GAS7: variants seen among roughly 807,000 people sequenced by gnomAD.
The protein encoded by GAS7 is growth arrest specific 7.
Under a neutral mutation model 71.1 loss-of-function variants are expected in GAS7, and 28 were observed. The observed-to-expected ratio is 0.39, with a 90% confidence interval of 0.29 to 0.54. The LOEUF is 0.54. GAS7 is among the 20% of genes least tolerant of loss of function. The pLI is 0.62. For missense variants in GAS7, 436 were observed against 627.8 expected (o/e 0.69, Z 3.27); for synonymous variants, 258 against 245.8 (o/e 1.05, Z -0.46).
chr17:10,090,471 C>A (rs2073570142), intron 1 of GAS7, among the ~76,000 whole-genome samples: 1 of 152,124 alleles, frequency 6.6e-6, no homozygotes, highest in Admixed American at 6.6e-5. Context: ...ATCTCTGCAA[C>A]ACACCTCACA....
intron 3 of GAS7, among the ~76,000 whole-genome samples, chr17:9,973,278 G>C (rs1313954820): frequency 1.3e-5 from 2 of 149,498 alleles, no homozygotes; most frequent in Non-Finnish European, 3.0e-5. Flanking sequence ...TTTTTGAGAC[G>C]GAGTCTTGCT....
At chr17:10,098,604 G>A (rs1039831496) in intron 1 of GAS7, among the ~76,000 whole-genome samples, 5 of 152,206 alleles carry the variant, frequency 3.3e-5, no homozygotes, top group African/African-American at 1.2e-4. Flanking sequence ...GAGCTACAAG[G>A]ATTGGCTCAG....
At chr17:10,113,769 T>C (rs369819522) in intron 1 of GAS7, among the ~76,000 whole-genome samples, 1 of 152,192 alleles carries the variant, frequency 6.6e-6, no homozygotes, top group Non-Finnish European at 1.5e-5. Context: ...AACTGATAGG[T>C]TGAGGACAGG....
At chr17:9,941,869 G>A (rs1027093989) in intron 7 of GAS7, among the ~76,000 whole-genome samples, 6 of 152,200 alleles carry the variant, frequency 3.9e-5, no homozygotes, top group South Asian at 2.1e-4. Context: ...GAACACATCC[G>A]ATCTCATATG....
At chr17:10,142,215 C>CAAA (rs11435397) in intron 1 of GAS7, among the ~76,000 whole-genome samples, 6 of 140,680 alleles carry the variant, frequency 4.3e-5, no homozygotes, top group African/African-American at 8.0e-5. Context: ...GACTCTGTCT[C>CAAA]AAAAAAAAAA....
Position 10,198,493 on chromosome 17 carries a change from C to T in GAS7, c.-103G>A, listed in dbSNP as rs2074557897. 1 of 832,502 alleles carries T rather than the reference C, an allele frequency of 1.2e-6. No homozygotes were observed. Among genetic ancestry groups the T allele is most frequent in the African/African-American group, 1.8e-5 (1 of 54,604 alleles). The allele number at this position is 832,502 out of a possible 1,614,324, so 51.6% of individuals were successfully genotyped here. A position where few individuals can be genotyped will look rare whatever the true frequency, so the allele number is the denominator to read the frequency against. On this transcript the variant is annotated 5_prime_UTR_variant, in exon 1 of 14. Coordinates refer to ENST00000432992, the MANE Select transcript of GAS7 (RefSeq NM_201433.2). ...CCAGGCGCCCGGCGCTCCGGGCTCC[C>T]GCGCTCTGGGCGCGCGCCGTCTCTG...
chr17:9,928,116 T>C (rs1161553872), intron 9 of GAS7, among the ~76,000 whole-genome samples: 7 of 148,728 alleles, frequency 4.7e-5, no homozygotes, highest in South Asian at 4.2e-4. Flanking sequence ...TTTTTATTTA[T>C]TTATTTATTT....
In GAS7 at chr17:9,914,091, T is replaced by C. The variant is rs955661688; in HGVS notation, c.*3137A>G. 8.7e-6 allele frequency: 2 copies of C among 228,602 alleles called. No homozygotes were observed. The highest frequency in any genetic ancestry group is 1.7e-5 in the Non-Finnish European group (2 of 115,212). The allele number at this position is 228,602 out of a possible 1,614,324, so 14.2% of individuals were successfully genotyped here. A position where few individuals can be genotyped will look rare whatever the true frequency, so the allele number is the denominator to read the frequency against. Reference sequence around the variant, plus strand: ...TATTTTCTCAGTTGCATCCTAACCTTGATTTCAACCAGAAACGGGCCCCTG... The same window carrying C: ...TATTTTCTCAGTTGCATCCTAACCTCGATTTCAACCAGAAACGGGCCCCTG... On this transcript the variant is annotated 3_prime_UTR_variant, in exon 14 of 14. Transcript: ENST00000432992.
chr17:10,006,141 T>C (rs1221529561), intron 2 of GAS7, among the ~76,000 whole-genome samples: 1 of 151,778 alleles, frequency 6.6e-6, no homozygotes, highest in Non-Finnish European at 1.5e-5. Context: ...AGTCTAAAGA[T>C]CTCCATAGAA....
chr17:10,183,463 T>A (rs1217216624), intron 1 of GAS7, among the ~76,000 whole-genome samples: 1 of 152,162 alleles, frequency 6.6e-6, no homozygotes, highest in Non-Finnish European at 1.5e-5. Flanking sequence ...TAAACTGCAC[T>A]TACAGAGTGT....
At position 10,183,799 on chromosome 17, in the gene GAS7, G is replaced by T. The variant is rs9910082; in HGVS notation, c.183+14409C>A. On this transcript the variant is annotated intron_variant, in intron 1 of 13. Coordinates refer to ENST00000432992, the MANE Select transcript of GAS7 (RefSeq NM_201433.2). ...GGAGCTTGCAGTGAGCTGAGATAGC[G>T]CCACTGCACTCCAGCCTGGGCGACA... Among the ~76,000 whole-genome samples, 389 of 151,886 alleles carry T rather than the reference G, an allele frequency of 2.6e-3. 1 individual carries two copies. The highest frequency in any genetic ancestry group is 9.0e-3 in the African/African-American group (373 of 41,400).
chr17:10,156,809 T>G lies in GAS7; in HGVS notation c.183+41399A>C, dbSNP rs571641352. The stretch of plus-strand genomic sequence containing the variant: ...CTGCAGGCCTCCCTCCCTTTTCCCC[T>G]CTCTGGGCGTGCTTCCCCATCCTCT... On this transcript the variant is annotated intron_variant, in intron 1 of 13. Coordinates refer to ENST00000432992, the MANE Select transcript of GAS7 (RefSeq NM_201433.2). Among the ~76,000 whole-genome samples the G allele has an allele frequency of 1.5e-4, 23 of 151,980 alleles. No individual in the cohort carries two copies. The East Asian group carries it at 4.1e-3, about 27-fold the overall frequency.
chr17:10,136,980 G>A (rs1385258618), intron 1 of GAS7, among the ~76,000 whole-genome samples: 9 of 152,070 alleles, frequency 5.9e-5, no homozygotes, highest in African/African-American at 2.2e-4. Flanking sequence ...CAGACATGGT[G>A]GCGCACACCT....
In GAS7 at chr17:10,151,732, A is replaced by G. The variant is rs143801859; in HGVS notation, c.183+46476T>C. ...GCTACTTTTTTTATTTTTTACAGAG[A>G]AAGGGTTTCCCTAATGTTGCCCAAG... On this transcript the variant is annotated intron_variant, in intron 1 of 13. Coordinates refer to ENST00000432992, the MANE Select transcript of GAS7 (RefSeq NM_201433.2). 4.0e-3 allele frequency among the ~76,000 whole-genome samples: 611 copies of G among 152,058 alleles called. 4 individuals carry two copies. The highest frequency in any genetic ancestry group is 0.013 in the African/African-American group (555 of 41,490).
In GAS7 at chr17:10,019,890, C is replaced by A. The variant is rs746094894; in HGVS notation, c.191G>T (p.Gly64Val). The change falls in exon 2 of 14, where the codon GGA becomes GTA. Residue 64 changes from glycine to valine, a missense_variant. Physicochemically the swap from Gly to Val is moderately radical, Grantham distance 109. Coordinates refer to ENST00000432992, the MANE Select transcript of GAS7 (RefSeq NM_201433.2). ...TTCTCCCGGCGGAGGGGGGACCATT[C>A]CAGGCTTCTGTTGGAGAAGAAAGAA... ...ASYVQLLEKP[G>V]MVPPPPGEES... The A allele has an allele frequency of 5.0e-6, 8 of 1,613,572 alleles. No homozygotes were observed. The East Asian group carries it at 1.6e-4, about 31-fold the overall frequency.
chr17:10,067,170 T>A (rs565549659), intron 1 of GAS7, among the ~76,000 whole-genome samples: 8 of 152,118 alleles, frequency 5.3e-5, no homozygotes, highest in African/African-American at 1.9e-4. Flanking sequence ...GAGTGGAGTT[T>A]CCAGCCCACC....
At chr17:10,049,009 A>G (rs566591764) in intron 1 of GAS7, among the ~76,000 whole-genome samples, 5 of 152,292 alleles carry the variant, frequency 3.3e-5, no homozygotes. Flanking sequence ...TTTCTCCTAC[A>G]AGGCCAGTGC....
At chr17:10,191,047 T>C (rs940066277) in intron 1 of GAS7, among the ~76,000 whole-genome samples, 1 of 151,784 alleles carries the variant, frequency 6.6e-6, no homozygotes, top group African/African-American at 2.4e-5. Context: ...TGGTGGCGCA[T>C]GCCCGTAATC....
At chr17:10,162,990 A>G (rs2074267490) in intron 1 of GAS7, among the ~76,000 whole-genome samples, 1 of 152,238 alleles carries the variant, frequency 6.6e-6, no homozygotes, top group Non-Finnish European at 1.5e-5. Flanking sequence ...TTAAGATGGT[A>G]AATTTTGTTA....
Sources: allele counts gnomAD v4.1 joint callset (sites outside exome capture counted in the v4.1 genomes callset), GRCh38; gene constraint gnomAD v4.1.1; transcripts MANE v1.5; gene names NCBI Gene and HGNC (gene_info 2026-07-23, HGNC 2026-07-21).